DLG3: variants seen among roughly 807,000 people sequenced by gnomAD.
DLG3 encodes the protein disks large homolog 3.
Under a neutral mutation model 64.1 loss-of-function variants are expected in DLG3, and 1 was observed. The observed-to-expected ratio is 0.02, with a 90% confidence interval of 0.01 to 0.07. The LOEUF (loss-of-function observed/expected upper bound fraction) is 0.07, where lower values mean the gene tolerates loss of function less well. Among genes scored for constraint, DLG3 ranks in the 10% least tolerant of loss-of-function variants. The pLI, the probability that DLG3 is intolerant of heterozygous loss-of-function variation, is 1.00. For missense variants in DLG3, 429 were observed against 669.5 expected, an observed-to-expected ratio of 0.64 and a Z score of 3.96; for synonymous variants, 245 against 259.8, an observed-to-expected ratio of 0.94 and a Z score of 0.55.
chrX:70,470,780 C>T (rs1476684405), intron 9 of DLG3, among the ~76,000 whole-genome samples: 2 of 111,742 alleles, frequency 1.8e-5, no homozygotes, highest in Non-Finnish European at 3.8e-5. Flanking sequence ...TGACAATTTT[C>T]CTGTCATTAG....
At chrX:70,500,722 G>C in intron 17 of DLG3, 142 bp downstream of exon 17, 1 of 673,789 alleles carries the variant, frequency 1.5e-6, no homozygotes, top group Non-Finnish European at 2.4e-6. Flanking sequence ...CTGTTTTGAG[G>C]GCTTGTGCAT....
chrX:70,464,592 T>G (rs1271546054), intron 9 of DLG3, among the ~76,000 whole-genome samples: 1 of 111,969 alleles, frequency 8.9e-6, no homozygotes, highest in Non-Finnish European at 1.9e-5. Context: ...AGTAACAGTC[T>G]TGCTTATGAG....
chrX:70,492,390 CT>C, intron 11 of DLG3, 107 bp downstream of exon 11: 1 of 1,132,341 alleles, frequency 8.8e-7, no homozygotes, highest in Non-Finnish European at 1.2e-6. Context: ...GCCTTGATTC[CT>C]TTTTGGTAGA....
intron 10 of DLG3, among the ~76,000 whole-genome samples, chrX:70,490,838 C>G (rs1180821464): frequency 2.7e-5 from 3 of 112,013 alleles, no homozygotes. Context: ...ATACAAACTT[C>G]TCACTGAAAT....
At chrX:70,475,502 C>G (rs192870669) in intron 9 of DLG3, among the ~76,000 whole-genome samples, 9 of 111,663 alleles carry the variant, frequency 8.1e-5, no homozygotes, top group Non-Finnish European at 1.7e-4. Flanking sequence ...GGACTACAGG[C>G]GTGTGGCCAC....
intron 10 of DLG3, among the ~76,000 whole-genome samples, chrX:70,489,811 C>T (rs1317360397): frequency 1.8e-5 from 2 of 111,599 alleles, no homozygotes; most frequent in Non-Finnish European, 3.8e-5. Context: ...AAACTCCGCC[C>T]TCTAATCTTC....
chrX:70,450,943 T>C (rs1287223944), intron 6 of DLG3, 160 bp downstream of exon 6: 2 of 686,732 alleles, frequency 2.9e-6, no homozygotes, highest in Non-Finnish European at 4.4e-6. Flanking sequence ...TTATTGCTAA[T>C]TGAAAACTTT....
intron 9 of DLG3, among the ~76,000 whole-genome samples, chrX:70,462,255 T>C (rs1312021765): frequency 2.4e-5 from 2 of 84,945 alleles, no homozygotes; most frequent in Non-Finnish European, 4.6e-5. Flanking sequence ...TTTTTTTTTT[T>C]TTTTTTTTTT....
chrX:70,445,671 G>A (rs1225456971), intron 1 of DLG3, 113 bp downstream of exon 1: 12 of 713,427 alleles, frequency 1.7e-5, no homozygotes, highest in Admixed American at 5.7e-5. Context: ...TGTGGACCCC[G>A]AGCCCTAGCA....
rs181064092 is a variant in DLG3, at chrX:70,500,670, T to A, written c.2255+90T>A. 18 of 827,275 alleles carry A rather than the reference T, an allele frequency of 2.2e-5. No individual in the cohort carries two copies. The African/African-American group carries it at 3.2e-4, about 15-fold the overall frequency. 68.2% of individuals were successfully genotyped at this position (827,275 alleles called of 1,213,427 possible). ...AGAAAGTGATTTGCTGGGCAGAAAC[T>A]TGAAAGAAACTCTGTGCCCCAGCTC... On this transcript the variant is annotated intron_variant, in intron 17 of 18. Transcript: ENST00000374360.
chrX:70,450,818 G>A (rs1303608820), intron 6 of DLG3, 35 bp downstream of exon 6: 2 of 1,210,089 alleles, frequency 1.7e-6, no homozygotes, highest in South Asian at 1.8e-5. Context: ...CTGGTCTAAA[G>A]CTCTGTCCCC....
intron 8 of DLG3, 53 bp downstream of exon 8, chrX:70,453,846 G>T (rs955317664): frequency 4.4e-5 from 46 of 1,048,414 alleles, no homozygotes; most frequent in Non-Finnish European, 5.1e-6. Flanking sequence ...GTCTAAAATG[G>T]AGAGCGAGAG....
intron 9 of DLG3, among the ~76,000 whole-genome samples, chrX:70,467,481 A>G (rs1449135884): frequency 8.9e-6 from 1 of 112,191 alleles, no homozygotes; most frequent in Non-Finnish European, 1.9e-5. Flanking sequence ...AACTTAGATG[A>G]GAAGAGTATT....
chrX:70,478,770 C>T (rs1179833885), intron 9 of DLG3, among the ~76,000 whole-genome samples: 1 of 111,794 alleles, frequency 8.9e-6, no homozygotes, highest in Non-Finnish European at 1.9e-5. Context: ...GGGAAAGTCT[C>T]CTTTCCCATC....
Position 70,492,260 on chromosome X carries a change from C to T in DLG3, c.1674C>T (p.Ile558=), listed in dbSNP as rs759488099. ...LVTPHGESEQ[I]GVIPSKKRVE... ...CCCCACACGGAGAAAGTGAGCAGAT[C>T]GGTGTGATCCCCAGTAAGAAGAGGT... The change falls in exon 11 of 19, where the codon ATC becomes ATT. Residue 558 remains isoleucine (I), a synonymous_variant. Transcript: ENST00000374360. The T allele has an allele frequency of 6.6e-6, 8 of 1,209,498 alleles. No individual in the cohort carries two copies. The Admixed American group carries it at 1.1e-4, about 17-fold the overall frequency.
At chrX:70,466,128 T>A (rs943806237) in intron 9 of DLG3, among the ~76,000 whole-genome samples, 1 of 112,128 alleles carries the variant, frequency 8.9e-6, no homozygotes, top group Admixed American at 9.5e-5. Context: ...TATTATTTTT[T>A]AAGACAATTT....
chrX:70,479,091 G>C (rs1460775737), intron 9 of DLG3, 59 bp from the exon 10 acceptor site: 1 of 1,074,321 alleles, frequency 9.3e-7, no homozygotes, highest in African/African-American at 1.8e-5. Flanking sequence ...TGGCATGCAA[G>C]CTCAGAGGCG....
intron 7 of DLG3, chrX:70,452,230 C>T: frequency 9.3e-7 from 1 of 1,080,622 alleles, no homozygotes; most frequent in Admixed American, 3.8e-5. Flanking sequence ...ACAAGCTCTA[C>T]CATCAGGGGG....
At position 70,481,518 on chromosome X, in the gene DLG3, C is replaced by T. The variant is rs6625615; in HGVS notation, c.1520+2254C>T. ...GGCAGTGTTTCCCCAAAAGATAGAG[C>T]GTGGGAGCCTTATTTGAGAAACCTA... On this transcript the variant is annotated intron_variant, in intron 10 of 18. Coordinates refer to ENST00000374360, the MANE Select transcript of DLG3 (RefSeq NM_021120.4). Among the ~76,000 whole-genome samples, 706 of 112,171 alleles carry T rather than the reference C, an allele frequency of 6.3e-3. 11 individuals carry two copies. The East Asian group carries it at 0.072, about 12-fold the overall frequency.
Sources: allele counts gnomAD v4.1 joint callset (sites outside exome capture counted in the v4.1 genomes callset), GRCh38; gene constraint gnomAD v4.1.1; transcripts MANE v1.5; gene names NCBI Gene and HGNC (gene_info 2026-07-23, HGNC 2026-07-21).